Variants in KCNK10 observed in about 807,000 individuals in gnomAD.
The protein encoded by KCNK10 is potassium two pore domain channel subfamily K member 10.
Under a neutral mutation model 47.7 loss-of-function variants are expected in KCNK10, and 25 were observed. The observed-to-expected ratio is 0.52, with a 90% CI of 0.38 to 0.73. The LOEUF (loss-of-function observed/expected upper bound fraction) is 0.73, where lower values mean the gene tolerates loss of function less well. KCNK10 is among the 30% of genes least tolerant of loss of function. The pLI is 0.00. For synonymous variants in KCNK10, 303 were observed against 285.6 expected (o/e 1.06, Z -0.61); for missense variants, 563 against 714.5 (o/e 0.79, Z 2.42).
intron 4 of KCNK10, among the ~76,000 whole-genome samples, chr14:88,207,568 C>G (rs7145126): frequency 0.25 from 38,443 of 152,078 alleles, 5,392 homozygotes; most frequent in Non-Finnish European, 0.31. Flanking sequence ...CCCAAGCTGG[C>G]CTGATCCTCC....
chr14:88,282,861 C>A (rs17124407), intron 1 of KCNK10, among the ~76,000 whole-genome samples: 2 of 152,200 alleles, frequency 1.3e-5, no homozygotes, highest in South Asian at 4.1e-4. Flanking sequence ...CTGGAATCCA[C>A]GACCTCCTGA....
chr14:88,225,461 C>T (rs150848589), intron 4 of KCNK10, among the ~76,000 whole-genome samples: 116 of 152,262 alleles, frequency 7.6e-4, no homozygotes, highest in African/African-American at 2.6e-3. Flanking sequence ...CCATTTGAGA[C>T]GCAGCTTCAA....
chr14:88,286,126 A>T (rs916547485), intron 1 of KCNK10, among the ~76,000 whole-genome samples: 5 of 152,104 alleles, frequency 3.3e-5, no homozygotes, highest in African/African-American at 1.2e-4. Context: ...CAAGAGCCAG[A>T]ATCAACCACC....
intron 4 of KCNK10, among the ~76,000 whole-genome samples, chr14:88,193,687 T>C (rs907838365): frequency 3.9e-5 from 6 of 152,172 alleles, no homozygotes; most frequent in South Asian, 2.1e-4. Context: ...ATATACTTCA[T>C]TTTACACATG....
At chr14:88,263,719 A>G (rs994907393) in intron 1 of KCNK10, among the ~76,000 whole-genome samples, 168 bp from the exon 2 acceptor site, 10 of 152,252 alleles carry the variant, frequency 6.6e-5, no homozygotes, top group Non-Finnish European at 1.5e-4. Context: ...GTTGCTAGGT[A>G]CCCATTTGAG....
intron 1 of KCNK10, among the ~76,000 whole-genome samples, chr14:88,272,181 T>C (rs1380595082): frequency 6.6e-6 from 1 of 152,046 alleles, no homozygotes; most frequent in Admixed American, 6.6e-5. Flanking sequence ...ATTGGGAAGA[T>C]TTAACATAAA....
intron 3 of KCNK10, among the ~76,000 whole-genome samples, chr14:88,229,305 G>A (rs757891444): frequency 7.2e-5 from 11 of 152,004 alleles, no homozygotes; most frequent in African/African-American, 1.7e-4. Context: ...GGCTTACCAC[G>A]GAGCATCAGG....
At chr14:88,261,673 G>A (rs185011605) in intron 2 of KCNK10, among the ~76,000 whole-genome samples, 14 of 151,870 alleles carry the variant, frequency 9.2e-5, no homozygotes, top group Non-Finnish European at 1.6e-4. Flanking sequence ...AGGATCAGCT[G>A]ATACCTCGAT....
chr14:88,326,638 C>T (rs1372209459), upstream of KCNK10: 2 of 592,514 alleles, frequency 3.4e-6, no homozygotes, highest in Admixed American at 3.1e-5. Context: ...GAGACCCGGG[C>T]TGGCGGCCAC....
chr14:88,298,933 T>C (rs1163017559), intron 1 of KCNK10, among the ~76,000 whole-genome samples: 1 of 152,194 alleles, frequency 6.6e-6, no homozygotes, highest in African/African-American at 2.4e-5. Context: ...GTCATGATGA[T>C]GCCCTTCCCT....
chr14:88,280,170 A>G (rs1887618172), intron 1 of KCNK10, among the ~76,000 whole-genome samples: 1 of 152,012 alleles, frequency 6.6e-6, no homozygotes, highest in Admixed American at 6.6e-5. Flanking sequence ...TCTGCTAACG[A>G]TCTCTGCTAC....
chr14:88,294,380 T>C (rs1317714018), intron 1 of KCNK10, among the ~76,000 whole-genome samples: 1 of 152,284 alleles, frequency 6.6e-6, no homozygotes, highest in African/African-American at 2.4e-5. Context: ...AAGATGGAAC[T>C]TGCCTAAGAA....
chr14:88,190,649 TA>T (rs1191574632), intron 5 of KCNK10, among the ~76,000 whole-genome samples: 13 of 152,120 alleles, frequency 8.5e-5, no homozygotes, highest in Admixed American at 6.5e-4. Flanking sequence ...TAAAAAAAAC[TA>T]AATTTAGTCA....
At chr14:88,267,461 C>A (rs1387496431) in intron 1 of KCNK10, among the ~76,000 whole-genome samples, 3 of 151,804 alleles carry the variant, frequency 2.0e-5, no homozygotes, top group African/African-American at 4.8e-5. Context: ...ACCTCCACCT[C>A]CCGGGTTCAA....
At position 88,319,310 on chromosome 14, in the gene KCNK10, CATT is replaced by C. The variant is rs376911069; in HGVS notation, c.52+3434_52+3436del. ...TAGGGTAATAAGGCTGTAAGAAAAA[CATT>C]ATAATTACAACTGCCTTCCAGAACC... On this transcript the variant is annotated intron_variant, in intron 1 of 6. Transcript: ENST00000319231. 1.3e-3 allele frequency among the ~76,000 whole-genome samples: 199 copies of C among 152,302 alleles called. 4 individuals are homozygous for C. The East Asian group carries it at 0.029, about 22-fold the overall frequency.
intron 4 of KCNK10, 59 bp downstream of exon 4, chr14:88,227,316 G>A: frequency 7.2e-7 from 1 of 1,393,464 alleles, no homozygotes; most frequent in Non-Finnish European, 9.7e-7. Context: ...CCTGGATCCT[G>A]TCAGGCTAAA....
chr14:88,323,422 C>A (rs1484601289), upstream of KCNK10, among the ~76,000 whole-genome samples: 1 of 146,416 alleles, frequency 6.8e-6, no homozygotes, highest in Non-Finnish European at 1.5e-5. Flanking sequence ...GCGGCGAGGG[C>A]GACCCTCCCC....
intron 1 of KCNK10, among the ~76,000 whole-genome samples, chr14:88,265,827 T>C (rs1036718664): frequency 5.3e-5 from 8 of 152,224 alleles, no homozygotes; most frequent in African/African-American, 1.7e-4. Context: ...CCCTTGCACA[T>C]GCTCTCTTGC....
chr14:88,284,255 T>C (rs1288187054), intron 1 of KCNK10, among the ~76,000 whole-genome samples: 1 of 152,060 alleles, frequency 6.6e-6, no homozygotes, highest in Middle Eastern at 3.2e-3. Flanking sequence ...TTGCACTAAC[T>C]AGCCCTGTCA....
Sources: allele counts gnomAD v4.1 joint callset (sites outside exome capture counted in the v4.1 genomes callset), GRCh38; gene constraint gnomAD v4.1.1; transcripts MANE v1.5; gene names NCBI Gene and HGNC (gene_info 2026-07-23, HGNC 2026-07-21).